Variants in NCKAP5 observed in about 807,000 individuals in gnomAD.
NCKAP5 encodes the protein nck-associated protein 5.
NCKAP5 carries 92 observed loss-of-function variants against 167.0 expected under a neutral mutation model. That is an observed-to-expected ratio of 0.55 (90% CI 0.47 to 0.66). The LOEUF is 0.66. NCKAP5 is among the 30% of genes least tolerant of loss of function. The pLI is 0.00. For synonymous variants in NCKAP5, 891 were observed against 877.4 expected (o/e 1.02, Z -0.27); for missense variants, 2,378 against 2,315.0 (o/e 1.03, Z -0.56).
chr2:133,637,868 A>G, the NCKAP5 span, among the ~76,000 whole-genome samples: 1 of 152,176 alleles, frequency 6.6e-6, no homozygotes, highest in Admixed American at 6.5e-5. Flanking sequence ...GATTCAGGAA[A>G]TAGAAAAATG....
chr2:133,026,630 C>T (rs1303916332), intron 6 of NCKAP5, among the ~76,000 whole-genome samples: 3 of 152,148 alleles, frequency 2.0e-5, no homozygotes, highest in Non-Finnish European at 4.4e-5. Flanking sequence ...CCCTTCTAGG[C>T]CCAGGCATAT....
chr2:132,882,103 A>C (rs1454597691), intron 8 of NCKAP5, among the ~76,000 whole-genome samples: 1 of 152,122 alleles, frequency 6.6e-6, no homozygotes, highest in Non-Finnish European at 1.5e-5. Context: ...TGGTGTCTAT[A>C]TCCTTTTGAC....
chr2:133,136,859 A>G (rs1397948807), intron 5 of NCKAP5, among the ~76,000 whole-genome samples: 1 of 152,192 alleles, frequency 6.6e-6, no homozygotes, highest in African/African-American at 2.4e-5. Flanking sequence ...TCATCAACCA[A>G]CATCCAATGT....
chr2:132,960,244 C>T (rs1033500313), intron 8 of NCKAP5, among the ~76,000 whole-genome samples: 5 of 152,042 alleles, frequency 3.3e-5, no homozygotes, highest in African/African-American at 1.2e-4. Context: ...GCTGAGCAGG[C>T]GGATGATATG....
At chr2:132,960,905 A>G (rs2076492372) in intron 8 of NCKAP5, among the ~76,000 whole-genome samples, 1 of 152,170 alleles carries the variant, frequency 6.6e-6, no homozygotes, top group Non-Finnish European at 1.5e-5. Flanking sequence ...GGGCCAAGAG[A>G]TTAGGGCATA....
chr2:133,002,454 C>T (rs547439309), intron 6 of NCKAP5, among the ~76,000 whole-genome samples: 11 of 152,270 alleles, frequency 7.2e-5, no homozygotes, highest in South Asian at 2.1e-4. Flanking sequence ...TCTTATTGTA[C>T]GGTCCTCACC....
chr2:132,949,843 C>T (rs548742223), intron 8 of NCKAP5, among the ~76,000 whole-genome samples: 1 of 152,312 alleles, frequency 6.6e-6, no homozygotes, highest in Admixed American at 6.5e-5. Flanking sequence ...CCTGTAATCC[C>T]AGCACTTTGG....
At chr2:132,970,928 C>G (rs891935945) in intron 7 of NCKAP5, among the ~76,000 whole-genome samples, 2 of 152,214 alleles carry the variant, frequency 1.3e-5, no homozygotes, top group South Asian at 4.1e-4. Flanking sequence ...ACTTCTCCAT[C>G]TTCTAGTCAC....
intron 5 of NCKAP5, among the ~76,000 whole-genome samples, chr2:133,210,720 A>C (rs927173913): frequency 6.6e-6 from 1 of 152,214 alleles, no homozygotes; most frequent in African/African-American, 2.4e-5. Context: ...GAAGAGTTTG[A>C]CTATGCAAAG....
At position 132,783,747 on chromosome 2, in the gene NCKAP5, C is replaced by T. The variant is rs1448730464; in HGVS notation, c.3064G>A (p.Ala1022Thr). 6.2e-7 allele frequency: 1 copy of T among 1,601,966 alleles called. No homozygotes were observed. The change falls in exon 14 of 20, where the codon GCT becomes ACT. Residue 1022 changes from alanine (A) to threonine (T), a missense_variant. Ala to Thr is a moderately conservative substitution (Grantham distance 58, BLOSUM62 0). Around this residue, in one of 3 missense-constraint regions of NCKAP5, gnomAD observed 1,325 missense variants for 1,274.5 expected, o/e 1.04. Coordinates refer to ENST00000409261, the MANE Select transcript of NCKAP5 (RefSeq NM_207363.3). ...PEAVIQTRCP[A>T]HAPSSSFTVM... ...GTGAAGGAGCTGGAGGGGGCATGAG[C>T]AGGGCATCGGGTTTGAATGACTGCT... is the stretch of plus-strand genomic sequence containing the variant.
intron 6 of NCKAP5, among the ~76,000 whole-genome samples, chr2:133,082,308 T>C (rs1315371906): frequency 6.6e-6 from 1 of 152,152 alleles, no homozygotes; most frequent in African/African-American, 2.4e-5. Context: ...GACTGCATCA[T>C]CGGTTCAGTC....
chr2:132,928,772 G>A (rs1180073123), intron 8 of NCKAP5, among the ~76,000 whole-genome samples: 1 of 152,068 alleles, frequency 6.6e-6, no homozygotes, highest in Admixed American at 6.6e-5. Context: ...GCAGACAGAA[G>A]CAAACTATCA....
chr2:133,075,886 G>T (rs964647691), intron 6 of NCKAP5, among the ~76,000 whole-genome samples: 1 of 151,906 alleles, frequency 6.6e-6, no homozygotes, highest in Non-Finnish European at 1.5e-5. Flanking sequence ...TAAAATAAAT[G>T]GTCAAACTAC....
At chr2:133,617,046 A>G in the NCKAP5 span, among the ~76,000 whole-genome samples, 1 of 152,250 alleles carries the variant, frequency 6.6e-6, no homozygotes, top group Non-Finnish European at 1.5e-5. Context: ...AACCAAAGAC[A>G]AAAACCACAG....
At chr2:133,451,487 G>GT (rs1360162053) in intron 3 of NCKAP5, among the ~76,000 whole-genome samples, 3 of 152,166 alleles carry the variant, frequency 2.0e-5, no homozygotes, top group Non-Finnish European at 4.4e-5. Flanking sequence ...GTGAAATCTT[G>GT]TCTGTCTTCT....
intron 6 of NCKAP5, among the ~76,000 whole-genome samples, chr2:133,040,034 G>A (rs539054535): frequency 3.8e-4 from 57 of 151,776 alleles, no homozygotes; most frequent in Non-Finnish European, 6.9e-4. Context: ...TTTATATCCT[G>A]TATCACCTTT....
the NCKAP5 span, among the ~76,000 whole-genome samples, chr2:133,588,107 C>T: frequency 2.0e-5 from 3 of 152,140 alleles, no homozygotes; most frequent in Non-Finnish European, 4.4e-5. Flanking sequence ...TACACACACA[C>T]ACTTACATAC....
chr2:133,665,179 T>C, the NCKAP5 span, among the ~76,000 whole-genome samples: 25 of 152,354 alleles, frequency 1.6e-4, no homozygotes, highest in East Asian at 4.8e-3. Flanking sequence ...TTAATTTTCT[T>C]CAAGAACATT....
intron 2 of NCKAP5, among the ~76,000 whole-genome samples, chr2:133,526,786 C>T (rs539330383): frequency 4.3e-4 from 66 of 152,258 alleles, no homozygotes; most frequent in African/African-American, 1.5e-3. Flanking sequence ...AAAACGTCTA[C>T]ATGTTGCCTG....
Sources: gnomAD v4.1 joint callset for allele counts (sites outside exome capture counted in the v4.1 genomes callset) on GRCh38, gnomAD v4.1.1 for gene constraint, gnomAD v4.1.1 regional missense constraint, MANE v1.5 for transcripts, NCBI Gene and HGNC (gene_info 2026-07-23, HGNC 2026-07-21) for gene names.